The following FAM135B variants were observed in gnomAD, a reference collection of about 807,000 sequenced individuals.
The protein encoded by FAM135B is family with sequence similarity 135 member B.
In FAM135B, 43 loss-of-function variants were observed where a neutral mutation model predicts 127.7. The ratio of observed to expected loss-of-function variants is 0.34; its 90% CI spans 0.26 to 0.43. The LOEUF (loss-of-function observed/expected upper bound fraction) is 0.43, where lower values mean the gene tolerates loss of function less well. Ranked by LOEUF, FAM135B falls within the 20% of genes least tolerant of loss-of-function variation. FAM135B has a pLI of 1.00. For missense variants in FAM135B, 1,558 were observed against 1,725.6 expected (o/e 0.90, Z 1.72); for synonymous variants, 670 against 665.1 (o/e 1.01, Z -0.11).
In FAM135B at chr8:138,284,296, C is replaced by T. The variant is rs78439641; in HGVS notation, c.158-18454G>A. Among the ~76,000 whole-genome samples the T allele has an allele frequency of 9.9e-3, 1,508 of 152,166 alleles. 23 individuals carry two copies. Among genetic ancestry groups the T allele is most frequent in the African/African-American group, 0.035 (1,444 of 41,498 alleles). On this transcript the variant is annotated intron_variant, in intron 3 of 19. Coordinates refer to ENST00000395297, the MANE Select transcript of FAM135B (RefSeq NM_015912.4). ...ATCACCCACCACAACCTTGTCCGTG[C>T]TCTCCTTGCCTCACTCCTGGACCAC...
chr8:138,149,773 T>A (rs192795334), intron 13 of FAM135B, among the ~76,000 whole-genome samples: 1 of 152,230 alleles, frequency 6.6e-6, no homozygotes, highest in African/African-American at 2.4e-5. Flanking sequence ...CAAGCCAAAT[T>A]AGGTGCTTCT....
chr8:138,330,751 T>G (rs1828109752), intron 2 of FAM135B, among the ~76,000 whole-genome samples: 1 of 152,144 alleles, frequency 6.6e-6, no homozygotes. Context: ...CCCTCTGCAC[T>G]TTTTCTGAGC....
chr8:138,440,210 T>C (rs1261855929), intron 1 of FAM135B: 2 of 152,132 alleles, frequency 1.3e-5, no homozygotes, highest in Non-Finnish European at 2.9e-5. Flanking sequence ...TTCCTGGCCA[T>C]ATTAAGGTCA....
chr8:138,142,200 C>T (rs1172653955), intron 16 of FAM135B, among the ~76,000 whole-genome samples: 1 of 150,470 alleles, frequency 6.6e-6, no homozygotes, highest in East Asian at 2.0e-4. Context: ...CTAGCACTGT[C>T]GTCACTGAAA....
chr8:138,391,874 C>T (rs532805107), intron 1 of FAM135B, among the ~76,000 whole-genome samples: 33 of 152,198 alleles, frequency 2.2e-4, no homozygotes, highest in Middle Eastern at 3.4e-3. Context: ...AGTAACAAAG[C>T]GGAATTGGAA....
intron 1 of FAM135B, among the ~76,000 whole-genome samples, chr8:138,459,738 T>C (rs932195): frequency 0.46 from 70,132 of 151,988 alleles, 17,755 homozygotes; most frequent in East Asian, 0.84. Context: ...CCAAAGCTCC[T>C]ATACTCAGAG....
At chr8:138,270,183 C>A (rs776791713) in intron 3 of FAM135B, among the ~76,000 whole-genome samples, 12 of 152,022 alleles carry the variant, frequency 7.9e-5, no homozygotes, top group Non-Finnish European at 1.2e-4. Context: ...CACTGGAGGG[C>A]AAGTGGAAAA....
rs2130762813 is a variant in FAM135B at position 138,152,263 on chromosome 8, T to C, written c.2212A>G (p.Ser738Gly). The C allele has an allele frequency of 3.1e-6, 5 of 1,614,106 alleles. No homozygotes were observed. Among genetic ancestry groups the C allele is most frequent in the Non-Finnish European group, 3.4e-6 (4 of 1,180,034 alleles). Residue 738 changes from serine to glycine, a missense_variant, in exon 13 of 20, where the codon AGT becomes GGT. Physicochemically the swap from Ser to Gly is moderately conservative, Grantham distance 56 (BLOSUM62 0). This residue lies in a region of FAM135B where 923 missense variants were observed against 865.3 expected (regional missense o/e 1.07). Transcript: ENST00000395297. ...LEGGHTESNT[S>G]LPSGIQASLT... ...GAAGCCTGGATGCCGCTTGGCAAAC[T>C]TGTGTTACTTTCTGTGTGTCCACCC...
chr8:138,324,739 C>A (rs543198269), intron 2 of FAM135B, among the ~76,000 whole-genome samples: 48 of 152,240 alleles, frequency 3.2e-4, no homozygotes, highest in Non-Finnish European at 5.1e-4. Flanking sequence ...CAAGTTTCTG[C>A]AACTTGTAAA....
intron 9 of FAM135B, among the ~76,000 whole-genome samples, chr8:138,183,359 G>A (rs1488657449): frequency 1.3e-5 from 2 of 152,154 alleles, no homozygotes; most frequent in Non-Finnish European, 2.9e-5. Flanking sequence ...CTGGACCCAG[G>A]AAGTCCAGCT....
At chr8:138,161,961 T>A (rs1325781855) in intron 12 of FAM135B, among the ~76,000 whole-genome samples, 1 of 152,180 alleles carries the variant, frequency 6.6e-6, no homozygotes, top group Non-Finnish European at 1.5e-5. Flanking sequence ...ACATAGGTGA[T>A]GAATTGAGAA....
chr8:138,216,223 CA>C (rs1196612329), intron 7 of FAM135B, among the ~76,000 whole-genome samples: 1 of 152,104 alleles, frequency 6.6e-6, no homozygotes, highest in African/African-American at 2.4e-5. Context: ...ACTACAATAA[CA>C]ATTTTTATGA....
intron 12 of FAM135B, among the ~76,000 whole-genome samples, chr8:138,167,334 T>C (rs1586664100): frequency 6.6e-6 from 1 of 152,270 alleles, no homozygotes; most frequent in South Asian, 2.1e-4. Context: ...TAGCTGGGAT[T>C]ACAGGTGTCC....
At chr8:138,367,886 C>CACACAA (rs1830854528) in intron 2 of FAM135B, 21 bp downstream of exon 2, 1 of 1,549,688 alleles carries the variant, frequency 6.5e-7, no homozygotes, top group Admixed American at 1.7e-5. Context: ...CACACACACA[C>CACACAA]AAATTGTAAA....
At chr8:138,140,724 C>T (rs534908660) in intron 17 of FAM135B, among the ~76,000 whole-genome samples, 1 of 152,188 alleles carries the variant, frequency 6.6e-6, no homozygotes, top group South Asian at 2.1e-4. Context: ...TGTACACATA[C>T]ATATATGTAT....
chr8:138,244,113 T>C (rs545063057), intron 6 of FAM135B, among the ~76,000 whole-genome samples: 5 of 152,328 alleles, frequency 3.3e-5, no homozygotes, highest in Non-Finnish European at 5.9e-5. Context: ...AATTCATTTA[T>C]TCAAATATTT....
intron 1 of FAM135B, among the ~76,000 whole-genome samples, chr8:138,450,070 A>AG: frequency 6.6e-6 from 1 of 152,252 alleles, no homozygotes; most frequent in East Asian, 1.9e-4. Flanking sequence ...CTGTCTCCAT[A>AG]GTTTTTCTTT....
At chr8:138,285,269 C>T (rs1201414423) in intron 3 of FAM135B, among the ~76,000 whole-genome samples, 1 of 149,294 alleles carries the variant, frequency 6.7e-6, no homozygotes, top group African/African-American at 2.5e-5. Context: ...GCCTTAGCCT[C>T]CTGGGTAGCT....
chr8:138,349,688 T>C (rs192227840), intron 2 of FAM135B, among the ~76,000 whole-genome samples: 2 of 152,308 alleles, frequency 1.3e-5, no homozygotes, highest in East Asian at 1.9e-4. Context: ...TGAATACTTA[T>C]GTGTGAGGAT....
Sources: gnomAD v4.1 joint callset for allele counts (sites outside exome capture counted in the v4.1 genomes callset) on GRCh38, gnomAD v4.1.1 for gene constraint, gnomAD v4.1.1 regional missense constraint, MANE v1.5 for transcripts, NCBI Gene and HGNC (gene_info 2026-07-23, HGNC 2026-07-21) for gene names.